The following CDK5RAP2 variants were observed in gnomAD, a reference collection of about 807,000 sequenced individuals.
CDK5RAP2 encodes the protein CDK5 regulatory subunit-associated protein 2.
In CDK5RAP2, 147 loss-of-function variants were observed where a neutral mutation model predicts 232.9. The observed-to-expected ratio is 0.63, with a 90% CI of 0.55 to 0.72. The LOEUF (loss-of-function observed/expected upper bound fraction) is 0.72. Among genes scored for constraint, CDK5RAP2 ranks in the 30% least tolerant of loss-of-function variants. The pLI, the probability that CDK5RAP2 is intolerant of heterozygous loss-of-function variation, is 0.00. For synonymous variants in CDK5RAP2, 833 were observed against 833.7 expected (o/e 1.00, Z 0.01); for missense variants, 2,195 against 2,231.5 (o/e 0.98, Z 0.33).
intron 18 of CDK5RAP2, among the ~76,000 whole-genome samples, chr9:120,462,812 G>A (rs2037165604): frequency 6.6e-6 from 1 of 152,190 alleles, no homozygotes; most frequent in Non-Finnish European, 1.5e-5. Context: ...ACATACACTT[G>A]TAAAACTTAG....
intron 11 of CDK5RAP2, among the ~76,000 whole-genome samples, chr9:120,519,831 T>C (rs558801638): frequency 5.3e-5 from 8 of 152,348 alleles, no homozygotes; most frequent in African/African-American, 1.9e-4. Context: ...ATTCTCTCTG[T>C]TATTTAGGTT....
rs113098225 is a variant in CDK5RAP2, at chr9:120,407,024, G to A, written c.4951C>T (p.Pro1651Ser). The change falls in exon 32 of 38, where the codon CCT becomes TCT. Residue 1651 changes from proline (P) to serine (S), a missense_variant. Physicochemically the swap from Pro to Ser is moderately conservative, Grantham distance 74. Transcript: ENST00000349780. ...GCAGGGGCAGTACCGTGTTTGTCAG[G>A]CTGAAGGGGCACCTCAGGGATGGAC... ...AVSIPEVPLQ[P>S]DKHDGDKYPM... 16 of 1,613,436 alleles carry A rather than the reference G, an allele frequency of 9.9e-6. No homozygotes were observed. In the African/African-American group the frequency reaches 1.2e-4, roughly 12 times the overall value.
At chr9:120,412,562 A>G (rs750368379) in intron 28 of CDK5RAP2, among the ~76,000 whole-genome samples, 1 of 152,212 alleles carries the variant, frequency 6.6e-6, no homozygotes, top group Non-Finnish European at 1.5e-5. Flanking sequence ...GAATGCTTGT[A>G]CTACTGCAGT....
chr9:120,557,639 G>A (rs1449927198), intron 3 of CDK5RAP2, among the ~76,000 whole-genome samples: 2 of 152,032 alleles, frequency 1.3e-5, no homozygotes, highest in South Asian at 2.1e-4. Context: ...CACACCTGTA[G>A]TCCCAGCTAC....
rs1413876348 is a variant in CDK5RAP2 at position 120,430,328 on chromosome 9, T to C, written c.3955+6967A>G. On this transcript the variant is annotated intron_variant, in intron 25 of 37. Coordinates refer to ENST00000349780, the MANE Select transcript of CDK5RAP2 (RefSeq NM_018249.6). ...CTACCATCAGAGTGAACAGGCAACC[T>C]ACAAAATGGGAGAAAATTTTTGCAA... Among the ~76,000 whole-genome samples the C allele has an allele frequency of 2.6e-5, 4 of 152,166 alleles. No individual in the cohort carries two copies. In the South Asian group the frequency reaches 6.2e-4, roughly 24 times the overall value.
At chr9:120,532,999 A>G (rs1306479492) in intron 7 of CDK5RAP2, among the ~76,000 whole-genome samples, 3 of 152,144 alleles carry the variant, frequency 2.0e-5, no homozygotes, top group African/African-American at 7.2e-5. Flanking sequence ...AAAATGTGCC[A>G]GGCTCTGTAC....
intron 3 of CDK5RAP2, among the ~76,000 whole-genome samples, chr9:120,558,131 T>G (rs1463879317): frequency 1.4e-5 from 2 of 145,304 alleles, no homozygotes; most frequent in Admixed American, 6.8e-5. Flanking sequence ...TCCCAGCACT[T>G]TGGGAGGCCG....
chr9:120,532,301 GA>G (rs1216272005), intron 7 of CDK5RAP2, among the ~76,000 whole-genome samples: 3 of 152,142 alleles, frequency 2.0e-5, no homozygotes, highest in African/African-American at 2.4e-5. Flanking sequence ...TGATCTGCAG[GA>G]CTTCCCAGTA....
intron 22 of CDK5RAP2, among the ~76,000 whole-genome samples, chr9:120,447,179 C>T (rs939602256): frequency 6.6e-6 from 1 of 152,192 alleles, no homozygotes; most frequent in African/African-American, 2.4e-5. Flanking sequence ...TCAACATATG[C>T]ACTTTTGTGG....
intron 8 of CDK5RAP2, 103 bp from the exon 9 acceptor site, chr9:120,528,900 C>A (rs1180678084): frequency 2.1e-5 from 17 of 812,640 alleles, no homozygotes; most frequent in Non-Finnish European, 3.7e-5. Flanking sequence ...CACCTTCCCC[C>A]ACTACTGTGG....
At chr9:120,552,808 C>T (rs559764563) in intron 3 of CDK5RAP2, among the ~76,000 whole-genome samples, 37 of 150,200 alleles carry the variant, frequency 2.5e-4, no homozygotes, top group South Asian at 8.4e-4. Context: ...CGAACCTGCA[C>T]ATTGTGCACA....
intron 12 of CDK5RAP2, among the ~76,000 whole-genome samples, chr9:120,510,589 T>A (rs1285868736): frequency 2.0e-5 from 3 of 151,852 alleles, no homozygotes; most frequent in African/African-American, 7.3e-5. Flanking sequence ...TCACACACAC[T>A]AAAAGGAGAG....
chr9:120,480,996 G>C (rs575386294), intron 14 of CDK5RAP2, among the ~76,000 whole-genome samples: 1 of 152,336 alleles, frequency 6.6e-6, no homozygotes, highest in South Asian at 2.1e-4. Context: ...TGTGCAGCCA[G>C]AGGACCTCAG....
chr9:120,580,100 C>T lies in CDK5RAP2; in HGVS notation c.-122G>A. ...CTCCACCCCAGCTCTTGTTCAGACTCTGGCGGCGCCGCTGGAATTCAAACC... is the reference window on the plus strand; with the variant it reads ...CTCCACCCCAGCTCTTGTTCAGACTTTGGCGGCGCCGCTGGAATTCAAACC... On this transcript the variant is annotated 5_prime_UTR_variant, in exon 1 of 38. Transcript: ENST00000349780. 5.0e-6 allele frequency: 3 copies of T among 605,402 alleles called. No individual in the cohort carries two copies. The highest frequency in any genetic ancestry group is 2.0e-5 in the South Asian group (1 of 49,984). The allele number at this position is 605,402 out of a possible 1,614,324, so 37.5% of individuals were successfully genotyped here.
At chr9:120,423,187 T>C (rs551877211) in intron 25 of CDK5RAP2, among the ~76,000 whole-genome samples, 3 of 152,206 alleles carry the variant, frequency 2.0e-5, no homozygotes, top group Non-Finnish European at 4.4e-5. Flanking sequence ...TCACTTAGTA[T>C]ATTATTATTA....
intron 23 of CDK5RAP2, among the ~76,000 whole-genome samples, chr9:120,442,313 C>T (rs7041825): frequency 0.014 from 2,093 of 152,266 alleles, 46 homozygotes; most frequent in African/African-American, 0.048. Flanking sequence ...TCCTGTACCG[C>T]GGTGCATGAG....
intron 12 of CDK5RAP2, among the ~76,000 whole-genome samples, chr9:120,507,950 T>A (rs1207212485): frequency 1.4e-4 from 16 of 118,270 alleles, no homozygotes; most frequent in Non-Finnish European, 2.5e-4. Context: ...AAAATATATA[T>A]ATATATATAT....
intron 25 of CDK5RAP2, among the ~76,000 whole-genome samples, chr9:120,433,663 T>C (rs1588320305): frequency 6.6e-6 from 1 of 152,348 alleles, no homozygotes; most frequent in East Asian, 1.9e-4. Flanking sequence ...ACTGAACTAA[T>C]ACATTGTGCT....
chr9:120,468,235 A>G (rs1246978262), intron 17 of CDK5RAP2, among the ~76,000 whole-genome samples: 1 of 152,230 alleles, frequency 6.6e-6, no homozygotes, highest in African/African-American at 2.4e-5. Flanking sequence ...TCCTGGGCAA[A>G]CTGCACAGTC....
Sources: gnomAD v4.1 joint callset for allele counts (sites outside exome capture counted in the v4.1 genomes callset) on GRCh38, gnomAD v4.1.1 for gene constraint, MANE v1.5 for transcripts, NCBI Gene and HGNC (gene_info 2026-07-23, HGNC 2026-07-21) for gene names.